PLCXD2: variants seen among roughly 807,000 people sequenced by gnomAD.
PLCXD2 encodes the protein phosphatidylinositol specific phospholipase C X domain containing 2.
Under a neutral mutation model 28.6 loss-of-function variants are expected in PLCXD2, and 21 were observed. The observed-to-expected ratio is 0.73, with a 90% confidence interval of 0.52 to 1.06. PLCXD2 has a LOEUF of 1.06. Among genes scored for constraint, PLCXD2 ranks in the 50% least tolerant of loss-of-function variants. The probability of loss-of-function intolerance (pLI) is 0.00; values close to 1 mark genes in which losing one functional copy is unlikely to be tolerated. For synonymous variants in PLCXD2, 140 were observed against 150.1 expected (o/e 0.93, Z 0.49); for missense variants, 369 against 376.7 (o/e 0.98, Z 0.17).
At chr3:111,698,487 T>C (rs1940994557) in intron 1 of PLCXD2, among the ~76,000 whole-genome samples, 2 of 152,258 alleles carry the variant, frequency 1.3e-5, no homozygotes, top group African/African-American at 4.8e-5. Context: ...TCTTAACTAG[T>C]ATCTTACAAA....
intron 1 of PLCXD2, among the ~76,000 whole-genome samples, chr3:111,688,829 TAAAA>T: frequency 6.6e-6 from 1 of 151,720 alleles, no homozygotes; most frequent in Non-Finnish European, 1.5e-5. Context: ...AAATTAACTT[TAAAA>T]AAAGAATTAA....
intron 3 of PLCXD2, among the ~76,000 whole-genome samples, chr3:111,718,672 C>G (rs1271399080): frequency 6.6e-6 from 1 of 152,044 alleles, no homozygotes; most frequent in East Asian, 1.9e-4. Context: ...AAGGCCTGAA[C>G]AGGGTTGTCT....
chr3:111,702,875 T>G (rs1029785556), intron 1 of PLCXD2, among the ~76,000 whole-genome samples: 2 of 152,202 alleles, frequency 1.3e-5, no homozygotes, highest in Non-Finnish European at 2.9e-5. Flanking sequence ...TGATAGTGAA[T>G]TTGAATTATA....
chr3:111,680,131 A>G lies in PLCXD2; in HGVS notation c.163+4723A>G, dbSNP rs1438657060. Among the ~76,000 whole-genome samples, 4 of 152,058 alleles carry G rather than the reference A, an allele frequency of 2.6e-5. No homozygotes were observed. The East Asian group carries it at 7.7e-4, about 29-fold the overall frequency. ...CTAGCAGTTTTGCCCTTGAGTACTT[A>G]GTGATTTCTATAGGTCTTCCTCCTG... is the stretch of plus-strand genomic sequence containing the variant. On this transcript the variant is annotated intron_variant, in intron 1 of 4. Coordinates refer to ENST00000477665, the MANE Select transcript of PLCXD2 (RefSeq NM_001185106.1).
intron 3 of PLCXD2, among the ~76,000 whole-genome samples, chr3:111,717,252 A>G (rs1941278765): frequency 6.6e-6 from 1 of 152,058 alleles, no homozygotes; most frequent in African/African-American, 2.4e-5. Context: ...AGTGGCTGGC[A>G]GAAAATAGAC....
At chr3:111,685,886 C>T (rs370364905) in intron 1 of PLCXD2, among the ~76,000 whole-genome samples, 1 of 152,098 alleles carries the variant, frequency 6.6e-6, no homozygotes, top group African/African-American at 2.4e-5. Context: ...GAATAGGTAC[C>T]CCTCCCCATG....
At chr3:111,694,957 AAGT>A (rs916908022) in intron 1 of PLCXD2, among the ~76,000 whole-genome samples, 1 of 152,154 alleles carries the variant, frequency 6.6e-6, no homozygotes, top group Non-Finnish European at 1.5e-5. Flanking sequence ...TTGTAAAATG[AAGT>A]AGTGGTTTCT....
intron 3 of PLCXD2, chr3:111,722,616 T>C (rs1941361904): frequency 6.6e-6 from 1 of 152,188 alleles, no homozygotes; most frequent in Non-Finnish European, 1.5e-5. Flanking sequence ...AGTGGCAGCT[T>C]CTGGATTCTT....
intron 1 of PLCXD2, among the ~76,000 whole-genome samples, chr3:111,693,376 C>T (rs1404573644): frequency 6.6e-6 from 1 of 152,192 alleles, no homozygotes; most frequent in Non-Finnish European, 1.5e-5. Flanking sequence ...TCCGCAGTGA[C>T]GACCTGCTGC....
chr3:111,721,047 T>C, intron 3 of PLCXD2: 3 of 387,098 alleles, frequency 7.7e-6, no homozygotes, highest in Non-Finnish European at 9.1e-6. Context: ...TACAGGGCTA[T>C]TAATTGCATT....
intron 3 of PLCXD2, chr3:111,721,644 A>G (rs1309728480): frequency 1.3e-5 from 2 of 152,234 alleles, no homozygotes. Context: ...GTGGGGCCCA[A>G]CAAGAGATAG....
At chr3:111,725,150 A>G (rs1941399077) in intron 3 of PLCXD2, 1 of 151,736 alleles carries the variant, frequency 6.6e-6, no homozygotes, top group African/African-American at 2.4e-5. Context: ...GCCAACATGT[A>G]TGTGGACTCT....
At chr3:111,691,836 A>G (rs967734250) in intron 1 of PLCXD2, among the ~76,000 whole-genome samples, 1 of 152,176 alleles carries the variant, frequency 6.6e-6, no homozygotes, top group African/African-American at 2.4e-5. Flanking sequence ...AATGCAGGTA[A>G]TCACTGCCCT....
intron 1 of PLCXD2, among the ~76,000 whole-genome samples, chr3:111,705,057 T>A (rs1410465553): frequency 5.3e-5 from 8 of 152,142 alleles, no homozygotes; most frequent in Admixed American, 5.2e-4. Flanking sequence ...CCTGAAGTGA[T>A]CTGCCCGCCT....
At chr3:111,696,571 C>T (rs1448001660) in intron 1 of PLCXD2, among the ~76,000 whole-genome samples, 1 of 152,182 alleles carries the variant, frequency 6.6e-6, no homozygotes, top group Non-Finnish European at 1.5e-5. Context: ...GCCTGCATTA[C>T]TCTGACCTCA....
intron 3 of PLCXD2, among the ~76,000 whole-genome samples, chr3:111,716,006 A>T (rs1029098866): frequency 6.6e-6 from 1 of 152,222 alleles, no homozygotes; most frequent in Non-Finnish European, 1.5e-5. Flanking sequence ...GATGAGAGAT[A>T]ATGATGTTGG....
chr3:111,715,557 G>C (rs1941256756), intron 3 of PLCXD2, among the ~76,000 whole-genome samples: 6 of 152,132 alleles, frequency 3.9e-5, no homozygotes, highest in Admixed American at 3.9e-4. Context: ...AAAAAACTAA[G>C]GATAAGTTAT....
chr3:111,680,259 A>G (rs1391678431), intron 1 of PLCXD2, among the ~76,000 whole-genome samples: 1 of 152,162 alleles, frequency 6.6e-6, no homozygotes, highest in Non-Finnish European at 1.5e-5. Flanking sequence ...GTTGAACCAG[A>G]TTTGGCATAT....
intron 1 of PLCXD2, among the ~76,000 whole-genome samples, chr3:111,685,317 C>T (rs1180497075): frequency 1.3e-5 from 2 of 152,130 alleles, no homozygotes; most frequent in Non-Finnish European, 2.9e-5. Context: ...CAGAGAGGTG[C>T]CCCCTCGTGT....
Sources: gnomAD v4.1 joint callset for allele counts (sites outside exome capture counted in the v4.1 genomes callset) on GRCh38, gnomAD v4.1.1 for gene constraint, MANE v1.5 for transcripts, NCBI Gene and HGNC (gene_info 2026-07-23, HGNC 2026-07-21) for gene names.